GALNTL6: variants seen among roughly 807,000 people sequenced by gnomAD.
The protein encoded by GALNTL6 is polypeptide N-acetylgalactosaminyltransferase-like 6.
GALNTL6 carries 46 observed loss-of-function variants against 73.7 expected under a neutral mutation model. The observed-to-expected ratio is 0.62, with a 90% CI of 0.49 to 0.80. The LOEUF (loss-of-function observed/expected upper bound fraction) is 0.80, where lower values mean the gene tolerates loss of function less well. Among genes scored for constraint, GALNTL6 ranks in the 30% least tolerant of loss-of-function variants. GALNTL6 has a pLI of 0.00. For missense variants in GALNTL6, 604 were observed against 755.0 expected (o/e 0.80, Z 2.34); for synonymous variants, 259 against 263.7 (o/e 0.98, Z 0.17).
chr4:172,030,413 T>C (rs951715459), intron 2 of GALNTL6, among the ~76,000 whole-genome samples: 3 of 150,984 alleles, frequency 2.0e-5, no homozygotes, highest in African/African-American at 7.3e-5. Flanking sequence ...AGTAAAAGAG[T>C]TTCAAATATG....
At chr4:172,668,177 G>T (rs1340546524) in intron 5 of GALNTL6, 2 of 152,158 alleles carry the variant, frequency 1.3e-5, no homozygotes, top group African/African-American at 4.8e-5. Context: ...TGCCATTGAT[G>T]AGTTCCACAG....
chr4:171,814,764 T>G, intron 2 of GALNTL6, 46 bp downstream of exon 2: 1 of 1,599,994 alleles, frequency 6.3e-7, no homozygotes, highest in South Asian at 1.1e-5. Flanking sequence ...GGTAAGGCAG[T>G]GATCCTCGCG....
intron 7 of GALNTL6, among the ~76,000 whole-genome samples, chr4:172,842,671 A>C (rs2111086509): frequency 6.6e-6 from 1 of 152,034 alleles, no homozygotes; most frequent in Non-Finnish European, 1.5e-5. Context: ...AAATTCAGCA[A>C]GCAGAAGTCA....
At chr4:172,934,087 G>T (rs1748487200) in intron 9 of GALNTL6, among the ~76,000 whole-genome samples, 1 of 152,148 alleles carries the variant, frequency 6.6e-6, no homozygotes, top group African/African-American at 2.4e-5. Context: ...GCAAAAGACA[G>T]GATATCCATA....
At chr4:172,635,971 T>C (rs1739656604) in intron 5 of GALNTL6, among the ~76,000 whole-genome samples, 1 of 152,324 alleles carries the variant, frequency 6.6e-6, no homozygotes, top group South Asian at 2.1e-4. Context: ...TTCAGATTCC[T>C]TGAAATAAAT....
intron 5 of GALNTL6, among the ~76,000 whole-genome samples, chr4:172,677,745 A>G (rs1453203780): frequency 6.6e-6 from 1 of 152,074 alleles, no homozygotes; most frequent in Non-Finnish European, 1.5e-5. Context: ...TAGCAGAGTG[A>G]GACCCCCATC....
intron 5 of GALNTL6, among the ~76,000 whole-genome samples, chr4:172,561,740 A>C (rs942693295): frequency 2.0e-5 from 3 of 152,190 alleles, no homozygotes; most frequent in Non-Finnish European, 1.5e-5. Context: ...CTCAATGTCC[A>C]GGCTTCACAA....
intron 2 of GALNTL6, among the ~76,000 whole-genome samples, chr4:171,970,961 A>G (rs116630827): frequency 0.02 from 3,093 of 152,334 alleles, 123 homozygotes; most frequent in African/African-American, 0.067. Flanking sequence ...ATGAAATCTG[A>G]CTTTATACCT....
intron 2 of GALNTL6, among the ~76,000 whole-genome samples, chr4:171,945,713 A>G (rs759718844): frequency 2.0e-5 from 3 of 152,176 alleles, no homozygotes; most frequent in Non-Finnish European, 2.9e-5. Context: ...TAAAACATGC[A>G]TACATTATGA....
chr4:172,629,493 A>G (rs1739301779), intron 5 of GALNTL6, among the ~76,000 whole-genome samples: 1 of 152,162 alleles, frequency 6.6e-6, no homozygotes, highest in Non-Finnish European at 1.5e-5. Context: ...ATATTTTGAG[A>G]CTTTACCCTC....
intron 2 of GALNTL6, among the ~76,000 whole-genome samples, chr4:171,842,798 G>A (rs1444990065): frequency 6.6e-6 from 1 of 152,066 alleles, no homozygotes; most frequent in African/African-American, 2.4e-5. Context: ...TCCAACACTG[G>A]AAATCACATC....
chr4:171,955,591 A>G (rs1739019484), intron 2 of GALNTL6, among the ~76,000 whole-genome samples: 2 of 152,172 alleles, frequency 1.3e-5, no homozygotes, highest in Non-Finnish European at 2.9e-5. Flanking sequence ...ACCTAATGCG[A>G]TGTAAATTCT....
At chr4:171,951,560 G>A (rs1036139051) in intron 2 of GALNTL6, among the ~76,000 whole-genome samples, 20 of 151,336 alleles carry the variant, frequency 1.3e-4, no homozygotes, top group Non-Finnish European at 2.2e-4. Context: ...TTGGACATAA[G>A]TAAAACATTG....
intron 2 of GALNTL6, among the ~76,000 whole-genome samples, chr4:172,084,503 C>T (rs1731969666): frequency 6.6e-6 from 1 of 152,142 alleles, no homozygotes; most frequent in South Asian, 2.1e-4. Context: ...CAGTGCAAGA[C>T]AAAACATTAA....
At chr4:172,008,223 A>T (rs1740895601) in intron 2 of GALNTL6, among the ~76,000 whole-genome samples, 2 of 152,160 alleles carry the variant, frequency 1.3e-5, no homozygotes, top group African/African-American at 4.8e-5. Context: ...TGCAACCTAA[A>T]CCATTTAAAA....
At chr4:171,944,735 C>A (rs996000648) in intron 2 of GALNTL6, among the ~76,000 whole-genome samples, 15 of 151,672 alleles carry the variant, frequency 9.9e-5, no homozygotes, top group African/African-American at 3.1e-4. Flanking sequence ...ATCCTGTATG[C>A]ATTTCTTCAC....
intron 2 of GALNTL6, among the ~76,000 whole-genome samples, chr4:172,134,379 C>T (rs1219919294): frequency 7.5e-6 from 1 of 133,960 alleles, no homozygotes; most frequent in Non-Finnish European, 1.7e-5. Context: ...AGCGAGACTC[C>T]TCTAAAAAAA....
intron 10 of GALNTL6, among the ~76,000 whole-genome samples, chr4:172,993,838 C>T (rs1751651128): frequency 1.3e-5 from 2 of 152,188 alleles, no homozygotes; most frequent in South Asian, 4.1e-4. Context: ...AGAAGAATCA[C>T]TAGAACCCAG....
At chr4:172,585,703 G>A (rs962770363) in intron 5 of GALNTL6, among the ~76,000 whole-genome samples, 1 of 152,066 alleles carries the variant, frequency 6.6e-6, no homozygotes. Flanking sequence ...TGTAAATAGT[G>A]CTGCAATAAG....
Sources: allele counts gnomAD v4.1 joint callset (sites outside exome capture counted in the v4.1 genomes callset), GRCh38; gene constraint gnomAD v4.1.1; transcripts MANE v1.5; gene names NCBI Gene and HGNC (gene_info 2026-07-23, HGNC 2026-07-21).